Variants in KIAA1217 observed in about 807,000 individuals in gnomAD.
The protein encoded by KIAA1217 is KIAA1217, also known as sickle tail protein homolog.
In KIAA1217, 88 loss-of-function variants were observed where a neutral mutation model predicts 163.9. The ratio of observed to expected loss-of-function variants is 0.54; its 90% CI spans 0.45 to 0.64. The LOEUF is 0.64. Among genes scored for constraint, KIAA1217 ranks in the 30% least tolerant of loss-of-function variants. The pLI, the probability that KIAA1217 is intolerant of heterozygous loss-of-function variation, is 0.00. For missense variants in KIAA1217, 2,372 were observed against 2,475.0 expected (o/e 0.96, Z 0.88); for synonymous variants, 903 against 923.1 (o/e 0.98, Z 0.39).
At chr10:24,413,313 G>A (rs756088415) in intron 3 of KIAA1217, among the ~76,000 whole-genome samples, 1 of 152,116 alleles carries the variant, frequency 6.6e-6, no homozygotes, top group Non-Finnish European at 1.5e-5. Context: ...AGCCTCCCGA[G>A]TAGCTGGGAC....
chr10:23,804,705 G>T (rs1836653830), intron 1 of KIAA1217, among the ~76,000 whole-genome samples: 1 of 152,150 alleles, frequency 6.6e-6, no homozygotes, highest in African/African-American at 2.4e-5. Flanking sequence ...TACAGCATAT[G>T]ATAGAAATAT....
chr10:24,467,376 A>G (rs1284439944), intron 5 of KIAA1217, among the ~76,000 whole-genome samples: 1 of 152,134 alleles, frequency 6.6e-6, no homozygotes, highest in Non-Finnish European at 1.5e-5. Flanking sequence ...TGAAGAGACA[A>G]TAGAGGTTTG....
intron 1 of KIAA1217, among the ~76,000 whole-genome samples, chr10:23,823,862 A>G (rs187408064): frequency 2.0e-5 from 3 of 152,160 alleles, no homozygotes; most frequent in Non-Finnish European, 2.9e-5. Context: ...GTGGAAGGGA[A>G]GTAGAAAGTT....
At chr10:24,249,933 A>G (rs2074279597) in intron 2 of KIAA1217, among the ~76,000 whole-genome samples, 2 of 152,180 alleles carry the variant, frequency 1.3e-5, no homozygotes, top group African/African-American at 4.8e-5. Flanking sequence ...TCCAAACACG[A>G]CTATCACAAT....
intron 2 of KIAA1217, among the ~76,000 whole-genome samples, chr10:24,043,934 G>A (rs568713698): frequency 6.6e-6 from 1 of 152,140 alleles, no homozygotes; most frequent in East Asian, 1.9e-4. Context: ...TTAAAACCAA[G>A]AGTGAGTATT....
intron 8 of KIAA1217, among the ~76,000 whole-genome samples, chr10:24,500,063 G>A (rs2067330337): frequency 6.6e-6 from 1 of 152,216 alleles, no homozygotes; most frequent in African/African-American, 2.4e-5. Context: ...GAGCCAGGAT[G>A]GAAAGACAGG....
intron 3 of KIAA1217, among the ~76,000 whole-genome samples, chr10:24,409,997 C>CTTTTTTTT (rs71397947): frequency 7.6e-4 from 94 of 123,828 alleles, no homozygotes; most frequent in African/African-American, 2.0e-3. Context: ...TTTCTTTTTT[C>CTTTTTTTT]TTTTTTTTTT....
chr10:24,094,062 T>A (rs1244867288), intron 2 of KIAA1217, among the ~76,000 whole-genome samples: 2 of 152,034 alleles, frequency 1.3e-5, no homozygotes, highest in East Asian at 3.9e-4. Context: ...GTTGGACATT[T>A]GGGTTGGTTC....
intron 2 of KIAA1217, among the ~76,000 whole-genome samples, chr10:24,290,545 C>T (rs1174837972): frequency 6.6e-6 from 1 of 150,868 alleles, no homozygotes. Flanking sequence ...TAACTTTCAC[C>T]TTATCACAAT....
chr10:24,047,319 C>G (rs938363997), intron 2 of KIAA1217, among the ~76,000 whole-genome samples: 3 of 152,144 alleles, frequency 2.0e-5, no homozygotes, highest in African/African-American at 4.8e-5. Context: ...AAAAATCACT[C>G]AAGTCTAATT....
At chr10:24,330,904 G>T (rs2045583608) in intron 2 of KIAA1217, among the ~76,000 whole-genome samples, 1 of 151,954 alleles carries the variant, frequency 6.6e-6, no homozygotes, top group African/African-American at 2.4e-5. Flanking sequence ...GTGAGCCACT[G>T]TGCCCAGCCA....
intron 3 of KIAA1217, among the ~76,000 whole-genome samples, chr10:24,430,842 C>T (rs72776768): frequency 0.05 from 7,625 of 152,318 alleles, 268 homozygotes; most frequent in South Asian, 0.13. Context: ...CTCGCTCAGC[C>T]ATGGCTCACT....
At chr10:23,834,332 T>C in intron 1 of KIAA1217, among the ~76,000 whole-genome samples, 1 of 152,322 alleles carries the variant, frequency 6.6e-6, no homozygotes, top group South Asian at 2.1e-4. Context: ...GCATGCTTAC[T>C]TTCTTATCAG....
In KIAA1217 at chr10:24,544,347, T is replaced by A. The variant is rs748006278; in HGVS notation, c.5077T>A (p.Cys1693Ser). 6.2e-7 allele frequency: 1 copy of A among 1,614,170 alleles called. No homozygotes were observed. Among genetic ancestry groups the A allele is most frequent in the East Asian group, 2.2e-5 (1 of 44,884 alleles). Reference protein sequence around the residue: ...MSPKALVDTSCSSNRDSVASS... With the variant: ...MSPKALVDTSSSSNRDSVASS... ...TCCCAAAGCCCTAGTTGATACCTCA[T>A]GTTCTTCCAACAGAGATTCTGTTGC... Residue 1693 changes from cysteine to serine, a missense_variant, in exon 19 of 21, where the codon TGT (cysteine) becomes AGT (serine). By Grantham distance (112) the Cys-to-Ser change is moderately radical. This residue lies in a region of KIAA1217 where 690 missense variants were observed against 677.5 expected (regional missense o/e 1.02). Transcript: ENST00000376454.
In KIAA1217 at chr10:24,096,759, C is replaced by T. The variant is rs987384532; in HGVS notation, c.-171+89385C>T. On this transcript the variant is annotated intron_variant, in intron 2 of 18. Transcript: ENST00000376462. ...CAGCTGAAATGCCACTTCTGCCTCC[C>T]GTGACTCCAGAGACTAGATTTGCTT... Among the ~76,000 whole-genome samples the T allele has an allele frequency of 2.0e-5, 3 of 152,174 alleles. 1 individual carries two copies. The highest frequency in any genetic ancestry group is 4.8e-5 in the African/African-American group (2 of 41,446).
intron 1 of KIAA1217, among the ~76,000 whole-genome samples, chr10:23,907,211 A>G (rs551640728): frequency 2.8e-4 from 42 of 151,576 alleles, no homozygotes; most frequent in African/African-American, 1.0e-3. Context: ...TTTTGTCTTT[A>G]CCTCTTTCCT....
chr10:23,978,139 G>T (rs564965162), intron 1 of KIAA1217, among the ~76,000 whole-genome samples: 1 of 152,162 alleles, frequency 6.6e-6, no homozygotes. Context: ...AAATGGCAAT[G>T]ATCCTCATCA....
intron 3 of KIAA1217, among the ~76,000 whole-genome samples, chr10:24,406,845 C>A (rs2131238923): frequency 6.6e-6 from 1 of 152,282 alleles, no homozygotes; most frequent in East Asian, 1.9e-4. Flanking sequence ...CAGCATTAAG[C>A]AAAATGTAGC....
intron 1 of KIAA1217, among the ~76,000 whole-genome samples, chr10:23,888,345 T>C (rs1179529529): frequency 6.6e-6 from 1 of 151,960 alleles, no homozygotes; most frequent in Non-Finnish European, 1.5e-5. Context: ...AAATTGCTTT[T>C]TCCTTCTCTC....
Sources: allele counts gnomAD v4.1 joint callset (sites outside exome capture counted in the v4.1 genomes callset), GRCh38; gene constraint gnomAD v4.1.1; regional missense constraint gnomAD v4.1.1; transcripts MANE v1.5; gene names NCBI Gene and HGNC (gene_info 2026-07-23, HGNC 2026-07-21).